RAI14: variants seen among roughly 807,000 people sequenced by gnomAD.
RAI14 encodes the protein ankycorbin.
Under a neutral mutation model 115.4 loss-of-function variants are expected in RAI14, and 45 were observed. The observed-to-expected ratio is 0.39, with a 90% CI of 0.31 to 0.50. The LOEUF is 0.50. Among genes scored for constraint, RAI14 ranks in the 20% least tolerant of loss-of-function variants. The pLI, the probability that RAI14 is intolerant of heterozygous loss-of-function variation, is 0.85. For missense variants in RAI14, 939 were observed against 1,131.2 expected (o/e 0.83, Z 2.44); for synonymous variants, 371 against 415.4 (o/e 0.89, Z 1.30).
intron 2 of RAI14, among the ~76,000 whole-genome samples, chr5:34,743,510 C>T (rs558433074): frequency 6.6e-6 from 1 of 152,202 alleles, no homozygotes; most frequent in East Asian, 1.9e-4. Context: ...GACCCTATTT[C>T]CAATTAAGAT....
At chr5:34,677,402 T>G (rs1744066634) in intron 1 of RAI14, among the ~76,000 whole-genome samples, 4 of 151,996 alleles carry the variant, frequency 2.6e-5, no homozygotes, top group Admixed American at 2.0e-4. Flanking sequence ...GCACCCGCCT[T>G]GCCCTTCCAA....
rs557769625 is a variant in RAI14, at chr5:34,811,038, T to C, written c.477T>C (p.Ala159=). 1 of 1,614,086 alleles carries C rather than the reference T, an allele frequency of 6.2e-7. No individual in the cohort carries two copies. Among genetic ancestry groups the C allele is most frequent in the African/African-American group, 1.3e-5 (1 of 75,046 alleles). The change falls in exon 8 of 18, where the codon GCT becomes GCC. Residue 159 remains alanine (A), a synonymous_variant. Transcript: ENST00000265109. ...DLDGNIPLLL[A]VQNGHSEICH... ...ATGGGAATATACCGCTGCTTCTTGC[T>C]GTACAAAATGGTCACAGTGAGATCT...
chr5:34,676,205 A>C (rs1743963544), intron 1 of RAI14, among the ~76,000 whole-genome samples: 1 of 152,210 alleles, frequency 6.6e-6, no homozygotes, highest in African/African-American at 2.4e-5. Flanking sequence ...GTGAAACTTA[A>C]GGAATGGACT....
At chr5:34,691,911 T>G (rs1258316365) in intron 2 of RAI14, among the ~76,000 whole-genome samples, 1 of 152,186 alleles carries the variant, frequency 6.6e-6, no homozygotes, top group African/African-American at 2.4e-5. Context: ...ACCCCATGAA[T>G]CTTAAAGAAC....
At position 34,698,183 on chromosome 5, in the gene RAI14, C is replaced by CT. The variant is rs1561250978; in HGVS notation, c.36+11228_36+11229insT. On this transcript the variant is annotated intron_variant, in intron 2 of 17. Transcript: ENST00000265109. Reference sequence around the variant, plus strand: ...CCTCCCTCCCCTCCTCCCTTCCCCTCCTCCCTTCCCCTCCCTCTCTCCCTT... The same window carrying CT: ...CCTCCCTCCCCTCCTCCCTTCCCCTCTCTCCCTTCCCCTCCCTCTCTCCCTT... Among the ~76,000 whole-genome samples, 16 of 30,470 alleles carry CT rather than the reference C, an allele frequency of 5.3e-4. 1 individual carries two copies. The highest frequency in any genetic ancestry group is 5.5e-4 in the Non-Finnish European group (7 of 12,664). 20.0% of individuals were successfully genotyped at this position (30,470 alleles called of 152,430 possible).
chr5:34,780,371 A>T (rs998220789), intron 3 of RAI14, among the ~76,000 whole-genome samples: 25 of 152,198 alleles, frequency 1.6e-4, no homozygotes, highest in African/African-American at 5.8e-4. Context: ...AAATTGACAA[A>T]TGGGATTAAT....
At chr5:34,750,986 G>T (rs1482420828) in intron 2 of RAI14, among the ~76,000 whole-genome samples, 1 of 150,286 alleles carries the variant, frequency 6.7e-6, no homozygotes, top group Non-Finnish European at 1.5e-5. Flanking sequence ...CCGAGTAGCG[G>T]GGATTACAGG....
chr5:34,710,068 A>G lies in RAI14; in HGVS notation c.36+23113A>G, dbSNP rs1284178059. ...CATGGAATTTGACCTTGGTAAGGAA[A>G]TACATCCTCCGCTTTCCTCACTAAC... On this transcript the variant is annotated intron_variant, in intron 2 of 17. Coordinates refer to ENST00000265109, the MANE Select transcript of RAI14 (RefSeq NM_015577.3). Among the ~76,000 whole-genome samples the G allele has an allele frequency of 4.6e-5, 7 of 152,182 alleles. 1 individual carries two copies. In the South Asian group the frequency reaches 6.2e-4, roughly 14 times the overall value.
intron 2 of RAI14, among the ~76,000 whole-genome samples, chr5:34,744,311 G>T (rs1745900243): frequency 6.6e-6 from 1 of 152,158 alleles, no homozygotes; most frequent in Admixed American, 6.5e-5. Flanking sequence ...GCTATTCACA[G>T]AGGCCTTATG....
chr5:34,792,384 A>G (rs910957001), intron 3 of RAI14, among the ~76,000 whole-genome samples: 2 of 151,760 alleles, frequency 1.3e-5, no homozygotes, highest in East Asian at 1.9e-4. Flanking sequence ...CAGGTGCCCG[A>G]CACCACACCT....
intron 1 of RAI14, among the ~76,000 whole-genome samples, chr5:34,677,700 A>G (rs954875767): frequency 2.0e-5 from 3 of 152,152 alleles, no homozygotes; most frequent in East Asian, 3.9e-4. Flanking sequence ...TGGCCTCCCA[A>G]AGTGCTGGGA....
intron 2 of RAI14, among the ~76,000 whole-genome samples, chr5:34,712,839 A>G (rs1338087269): frequency 1.3e-5 from 2 of 152,162 alleles, no homozygotes; most frequent in Non-Finnish European, 2.9e-5. Context: ...AGAAAAAGGA[A>G]GGTTGTGGGG....
intron 2 of RAI14, among the ~76,000 whole-genome samples, chr5:34,693,243 C>G (rs1471485582): frequency 6.6e-6 from 1 of 152,156 alleles, no homozygotes; most frequent in Non-Finnish European, 1.5e-5. Flanking sequence ...CAAGTCAACC[C>G]TTAACACAAC....
At chr5:34,678,903 A>G (rs570529380) in intron 1 of RAI14, among the ~76,000 whole-genome samples, 1 of 152,204 alleles carries the variant, frequency 6.6e-6, no homozygotes, top group East Asian at 1.9e-4. Context: ...ATCTAACACC[A>G]CTTATTTCCC....
intron 1 of RAI14, among the ~76,000 whole-genome samples, chr5:34,678,305 G>A (rs1346727401): frequency 6.6e-6 from 1 of 152,118 alleles, no homozygotes; most frequent in Non-Finnish European, 1.5e-5. Flanking sequence ...ATAGTGCCAT[G>A]TTCTGAGTTT....
chr5:34,771,751 C>A (rs1184959323), intron 3 of RAI14, among the ~76,000 whole-genome samples: 1 of 152,048 alleles, frequency 6.6e-6, no homozygotes, highest in Non-Finnish European at 1.5e-5. Flanking sequence ...GGGTTATATC[C>A]CCATCTATTT....
At chr5:34,702,395 G>A (rs529250290) in intron 2 of RAI14, among the ~76,000 whole-genome samples, 54 of 152,296 alleles carry the variant, frequency 3.5e-4, no homozygotes, top group African/African-American at 1.2e-3. Flanking sequence ...CAAGAGAATC[G>A]CTTGAACCTG....
chr5:34,798,079 A>G (rs1019677289), intron 4 of RAI14, among the ~76,000 whole-genome samples: 14 of 152,280 alleles, frequency 9.2e-5, no homozygotes, highest in South Asian at 8.3e-4. Context: ...TCTGTTGCCC[A>G]GGCTGGAGTG....
chr5:34,773,391 A>G lies in RAI14; in HGVS notation c.167+15793A>G, dbSNP rs185111345. ...TAAGACCTCAAAAGCGTAGACAGCT[A>G]TAACAAAAATAGACAAATCGGATTA... is the stretch of plus-strand genomic sequence containing the variant. On this transcript the variant is annotated intron_variant, in intron 3 of 17. Coordinates refer to ENST00000265109, the MANE Select transcript of RAI14 (RefSeq NM_015577.3). Among the ~76,000 whole-genome samples, 370 of 152,374 alleles carry G rather than the reference A, an allele frequency of 2.4e-3. 2 individuals are homozygous for G. Among genetic ancestry groups the G allele is most frequent in the African/African-American group, 8.1e-3 (337 of 41,600 alleles).
Sources: allele counts gnomAD v4.1 joint callset (sites outside exome capture counted in the v4.1 genomes callset), GRCh38; gene constraint gnomAD v4.1.1; transcripts MANE v1.5; gene names NCBI Gene and HGNC (gene_info 2026-07-23, HGNC 2026-07-21).